TSPEAR: variants seen among roughly 807,000 people sequenced by gnomAD.
TSPEAR encodes the protein thrombospondin-type laminin G domain and EAR repeat-containing protein.
A neutral mutation model predicts 71.6 loss-of-function variants in TSPEAR; 69 were observed. The observed-to-expected ratio is 0.96, with a 90% CI of 0.79 to 1.18. The LOEUF (loss-of-function observed/expected upper bound fraction) is 1.18, where lower values mean the gene tolerates loss of function less well. Among genes scored for constraint, TSPEAR ranks in the 50% most tolerant of loss-of-function variants. The probability of loss-of-function intolerance (pLI) is 0.00; values close to 1 mark genes in which losing one functional copy is unlikely to be tolerated. For synonymous variants in TSPEAR, 402 were observed against 387.2 expected (o/e 1.04, Z -0.45); for missense variants, 971 against 894.9 (o/e 1.09, Z -1.09).
chr21:44,522,977 TGTC>T (rs587643386), intron 8 of TSPEAR, among the ~76,000 whole-genome samples: 120 of 152,290 alleles, frequency 7.9e-4, no homozygotes, highest in African/African-American at 2.7e-3. Flanking sequence ...GTCAGTCAGT[TGTC>T]AGTCAGTCAG....
At chr21:44,605,885 G>A (rs981575594) in intron 1 of TSPEAR, among the ~76,000 whole-genome samples, 3 of 152,036 alleles carry the variant, frequency 2.0e-5, no homozygotes, top group Non-Finnish European at 4.4e-5. Context: ...CATTACATTG[G>A]TCCAGGCAAT....
chr21:44,642,513 T>C lies in TSPEAR; in HGVS notation c.82+68920A>G, dbSNP rs587655245. On this transcript the variant is annotated intron_variant, in intron 1 of 11. Transcript: ENST00000323084. The surrounding 1 kb of genome is among the most constrained non-coding windows in gnomAD (Gnocchi z 4.1). ...TAACAGAAAACTAAGCCACTATGTA[T>C]AGCCATTATGGGAAATAGTACGGAA... is the stretch of plus-strand genomic sequence containing the variant. Among the ~76,000 whole-genome samples the C allele has an allele frequency of 6.6e-6, 1 of 152,204 alleles. No individual in the cohort carries two copies. Among genetic ancestry groups the C allele is most frequent in the Non-Finnish European group, 1.5e-5 (1 of 68,032 alleles).
chr21:44,661,482 T>C (rs1555943601), intron 1 of TSPEAR, among the ~76,000 whole-genome samples: 1 of 152,112 alleles, frequency 6.6e-6, no homozygotes, highest in African/African-American at 2.4e-5. Context: ...TACCCGGAGG[T>C]ATCCTTTGTT....
intron 1 of TSPEAR, chr21:44,592,457 A>G: frequency 6.2e-7 from 1 of 1,611,646 alleles, no homozygotes; most frequent in Non-Finnish European, 8.5e-7. Context: ...AGGTCGCTGG[A>G]GCAGACGGAC....
rs2053278230 is a variant in TSPEAR, at chr21:44,545,007, G to A, written c.304-11084C>T. 1.3e-5 allele frequency among the ~76,000 whole-genome samples: 2 copies of A among 151,336 alleles called. 1 individual carries two copies. Among genetic ancestry groups the A allele is most frequent in the African/African-American group, 4.9e-5 (2 of 40,988 alleles). ...TCTACAATAAGAGAGACATCAATGA[G>A]CCATTCTCTGTAATTAAAAAAAAAA... On this transcript the variant is annotated intron_variant, in intron 2 of 11. Coordinates refer to ENST00000323084, the MANE Select transcript of TSPEAR (RefSeq NM_144991.3).
intron 1 of TSPEAR, among the ~76,000 whole-genome samples, chr21:44,633,744 T>C (rs984878282): frequency 6.6e-6 from 1 of 152,248 alleles, no homozygotes; most frequent in Non-Finnish European, 1.5e-5. Context: ...GTTTATAGTG[T>C]TCTTCAAGTT....
chr21:44,612,570 C>T lies in TSPEAR; in HGVS notation c.83-44565G>A. 7 of 1,614,050 alleles carry T rather than the reference C, an allele frequency of 4.3e-6. No homozygotes were observed. Among genetic ancestry groups the T allele is most frequent in the Non-Finnish European group, 5.9e-6 (7 of 1,179,974 alleles). On this transcript the variant is annotated intron_variant, in intron 1 of 11. Transcript: ENST00000323084. This position sits in a 1 kb window ranked among gnomAD's most constrained non-coding sequence, Gnocchi z 4.1. ...TCTAGCTGCCAGTCAGCTTGCTGCA[C>T]CTTCTCCCCATGCCAACAGGCCTGC...
At chr21:44,534,807 AAG>A (rs1437830119) in intron 2 of TSPEAR, among the ~76,000 whole-genome samples, 1 of 152,230 alleles carries the variant, frequency 6.6e-6, no homozygotes, top group African/African-American at 2.4e-5. Flanking sequence ...AAAGAATCGA[AAG>A]AGATACTTGT....
chr21:44,594,822 A>T (rs1476414246), intron 1 of TSPEAR, among the ~76,000 whole-genome samples: 20 of 125,492 alleles, frequency 1.6e-4, no homozygotes, highest in African/African-American at 2.5e-4. Flanking sequence ...CGGATCTGTG[A>T]TTTTTTTTTT....
chr21:44,525,901 C>T, intron 7 of TSPEAR, 62 bp from the exon 8 acceptor site: 1 of 1,513,102 alleles, frequency 6.6e-7, no homozygotes, highest in East Asian at 2.3e-5. Context: ...GGCCTGGTTT[C>T]TGAAGGCTTC....
At chr21:44,545,242 C>T (rs1251189543) in intron 2 of TSPEAR, among the ~76,000 whole-genome samples, 1 of 151,748 alleles carries the variant, frequency 6.6e-6, no homozygotes, top group East Asian at 1.9e-4. Flanking sequence ...GGCGTGAACC[C>T]AGGAGGTGGA....
At chr21:44,557,796 A>T (rs587705500) in intron 2 of TSPEAR, 75 of 554,222 alleles carry the variant, frequency 1.4e-4, no homozygotes, top group African/African-American at 1.3e-3. Flanking sequence ...CTGAGAGGGC[A>T]CATTGGTGAC....
intron 1 of TSPEAR, among the ~76,000 whole-genome samples, chr21:44,604,607 AGAAC>A (rs1981192098): frequency 6.6e-6 from 1 of 152,242 alleles, no homozygotes; most frequent in Admixed American, 6.5e-5. Context: ...TGCTCTGGCT[AGAAC>A]TTCCAGCACC....
At chr21:44,633,320 G>C (rs1184545920) in intron 1 of TSPEAR, among the ~76,000 whole-genome samples, 1 of 152,064 alleles carries the variant, frequency 6.6e-6, no homozygotes, top group Non-Finnish European at 1.5e-5. Context: ...TGTGAAGTTA[G>C]ATTACTGAAT....
chr21:44,527,086 G>A lies in TSPEAR; in HGVS notation c.1149+206C>T, dbSNP rs374993893. Among the ~76,000 whole-genome samples, 58 of 152,268 alleles carry A rather than the reference G, an allele frequency of 3.8e-4. 1 individual carries two copies. The highest frequency in any genetic ancestry group is 1.2e-3 in the African/African-American group (48 of 41,546). On this transcript the variant is annotated intron_variant, in intron 7 of 11. Coordinates refer to ENST00000323084, the MANE Select transcript of TSPEAR (RefSeq NM_144991.3). Reference sequence around the variant, plus strand: ...GAAATGGTCTGGTCGTCCGTTTTGCGGGAGCCAAGCAGACTGCCTCAAAGT... The same window carrying A: ...GAAATGGTCTGGTCGTCCGTTTTGCAGGAGCCAAGCAGACTGCCTCAAAGT...
chr21:44,706,714 G>C (rs1569271409), intron 1 of TSPEAR, among the ~76,000 whole-genome samples: 1 of 152,226 alleles, frequency 6.6e-6, no homozygotes, highest in Non-Finnish European at 1.5e-5. Context: ...TGCTGGGACG[G>C]GGGCAGGGAG....
intron 1 of TSPEAR, among the ~76,000 whole-genome samples, chr21:44,577,250 A>T (rs73907032): frequency 0.019 from 2,860 of 152,328 alleles, 96 homozygotes; most frequent in African/African-American, 0.064. Flanking sequence ...GAACCCAAAA[A>T]TAACTAGAAA....
At chr21:44,595,885 T>C (rs1342869543) in intron 1 of TSPEAR, among the ~76,000 whole-genome samples, 1 of 152,252 alleles carries the variant, frequency 6.6e-6, no homozygotes, top group African/African-American at 2.4e-5. Context: ...TACATAATGA[T>C]CTCTGTCTTG....
intron 1 of TSPEAR, among the ~76,000 whole-genome samples, chr21:44,625,508 A>C (rs1157107715): frequency 6.6e-6 from 1 of 152,250 alleles, no homozygotes; most frequent in Non-Finnish European, 1.5e-5. Flanking sequence ...TCATAAAGCT[A>C]TGGCCTGAAA....
Sources: gnomAD v4.1 joint callset for allele counts (sites outside exome capture counted in the v4.1 genomes callset) on GRCh38, gnomAD v4.1.1 for gene constraint, Gnocchi (gnomAD v3.1) non-coding constraint, MANE v1.5 for transcripts, NCBI Gene and HGNC (gene_info 2026-07-23, HGNC 2026-07-21) for gene names.